THOC2: variants seen among roughly 807,000 people sequenced by gnomAD.
THOC2 encodes the protein THO complex 2.
In THOC2, 10 loss-of-function variants were observed where a neutral mutation model predicts 128.4. The observed-to-expected ratio is 0.08, with a 90% CI of 0.05 to 0.13. The LOEUF (loss-of-function observed/expected upper bound fraction) is 0.13. Ranked by LOEUF, THOC2 falls within the 10% of genes least tolerant of loss-of-function variation. The probability of loss-of-function intolerance (pLI) is 1.00; values close to 1 mark genes in which losing one functional copy is unlikely to be tolerated. For synonymous variants in THOC2, 393 were observed against 396.9 expected (o/e 0.99, Z 0.12); for missense variants, 535 against 1,155.7 (o/e 0.46, Z 7.79).
rs191723009 is a variant in THOC2 at position 123,665,576 on chromosome X, A to G, written c.1386+66T>C. 1,140 of 752,212 alleles carry G rather than the reference A, an allele frequency of 1.5e-3. 7 individuals carry two copies. Among genetic ancestry groups the G allele is most frequent in the Middle Eastern group, 0.013 (41 of 3,071 alleles). The allele number at this position is 752,212 out of a possible 1,213,427, so 62.0% of individuals were successfully genotyped here. A position where few individuals can be genotyped will look rare whatever the true frequency, so the allele number is the denominator to read the frequency against. ...CATATTTTTATTTCTAAAGATACTCATAACACAAGTATACTCAGAATATTT... is the reference window on the plus strand; with the variant it reads ...CATATTTTTATTTCTAAAGATACTCGTAACACAAGTATACTCAGAATATTT... On this transcript the variant is annotated intron_variant, in intron 12 of 38. Coordinates refer to ENST00000245838, the MANE Select transcript of THOC2 (RefSeq NM_001081550.2).
At chrX:123,653,696 A>C (rs1008596719) in intron 12 of THOC2, among the ~76,000 whole-genome samples, 4 of 112,321 alleles carry the variant, frequency 3.6e-5, no homozygotes, top group Non-Finnish European at 7.5e-5. Context: ...GAGAAATGCA[A>C]ATCAAAACCA....
At chrX:123,616,985 A>T (rs2046918862) in intron 33 of THOC2, among the ~76,000 whole-genome samples, 1 of 111,168 alleles carries the variant, frequency 9.0e-6, no homozygotes, top group Non-Finnish European at 1.9e-5. Flanking sequence ...GGTACAAGTG[A>T]CAAGATAATA....
At chrX:123,676,557 T>C (rs905798578) in intron 8 of THOC2, among the ~76,000 whole-genome samples, 3 of 112,386 alleles carry the variant, frequency 2.7e-5, no homozygotes, top group Non-Finnish European at 5.6e-5. Context: ...AGTTGACTGA[T>C]AGTTTTTTCC....
At position 123,721,898 on chromosome X, in the gene THOC2, A is replaced by G. The variant is rs2051717613; in HGVS notation, c.72-8990T>C. On this transcript the variant is annotated intron_variant, in intron 1 of 38. Transcript: ENST00000245838. ...CCACACACCCAAATACAACCACAGT[A>G]TTTGTCTACAGGTAAAGCACTTGTG... 2.7e-5 allele frequency among the ~76,000 whole-genome samples: 3 copies of G among 112,441 alleles called. No individual in the cohort carries two copies. In the Admixed American group the frequency reaches 2.8e-4, roughly 11 times the overall value.
chrX:123,651,658 C>T (rs2048360799), intron 12 of THOC2, among the ~76,000 whole-genome samples: 3 of 110,683 alleles, frequency 2.7e-5, no homozygotes, highest in Admixed American at 9.6e-5. Flanking sequence ...TCAGAGAATA[C>T]TATAAACACC....
rs1469832839 is a variant in THOC2 at position 123,636,173 on chromosome X, G to A, written c.1924C>T (p.Leu642=). The stretch of plus-strand genomic sequence containing the variant: ...AAAACTGCACCACAGAAACTAGCCA[G>A]ACCTATATAAAATAAAAAAAGAGTA... ...DTTISSWLQS[L]ASFCGAVFRK... is the part of the protein sequence containing the mutation. Residue 642 remains leucine, a splice_region_variant and synonymous_variant, in exon 19 of 39, where the codon CTG becomes TTG. Transcript: ENST00000245838. 8.4e-7 allele frequency: 1 copy of A among 1,187,898 alleles called. No individual in the cohort carries two copies. The highest frequency in any genetic ancestry group is 1.1e-6 in the Non-Finnish European group (1 of 880,684).
intron 8 of THOC2, among the ~76,000 whole-genome samples, chrX:123,674,905 G>A (rs1156575087): frequency 9.0e-6 from 1 of 111,145 alleles, no homozygotes; most frequent in Non-Finnish European, 1.9e-5. Context: ...TATAACCTGG[G>A]TGATGGGATG....
intron 12 of THOC2, among the ~76,000 whole-genome samples, chrX:123,653,199 T>C (rs1188435284): frequency 1.8e-5 from 2 of 111,727 alleles, no homozygotes; most frequent in Non-Finnish European, 3.8e-5. Flanking sequence ...ATAAATGGTG[T>C]TGGAAAACTG....
At chrX:123,620,365 G>A in intron 32 of THOC2, 1 of 113,840 alleles carries the variant, frequency 8.8e-6, no homozygotes, top group Non-Finnish European at 1.9e-5. Flanking sequence ...AACAGAAGCT[G>A]CATGCTCACT....
intron 8 of THOC2, among the ~76,000 whole-genome samples, chrX:123,685,969 G>T (rs781551842): frequency 9.0e-6 from 1 of 111,373 alleles, no homozygotes; most frequent in South Asian, 3.8e-4. Flanking sequence ...GAGGTGGGAG[G>T]TTCACTTCGG....
At chrX:123,724,992 C>T (rs1179693371) in intron 1 of THOC2, among the ~76,000 whole-genome samples, 1 of 111,266 alleles carries the variant, frequency 9.0e-6, no homozygotes, top group Non-Finnish European at 1.9e-5. Flanking sequence ...GTGGGAGGAT[C>T]GCCAGAGCCC....
chrX:123,609,366 A>C (rs1166452451), intron 38 of THOC2, among the ~76,000 whole-genome samples: 1 of 112,049 alleles, frequency 8.9e-6, no homozygotes, highest in African/African-American at 3.2e-5. Context: ...ACTTTACCCT[A>C]ATCTACTTAC....
intron 9 of THOC2, among the ~76,000 whole-genome samples, chrX:123,669,902 T>A (rs147219907): frequency 1.8e-5 from 2 of 111,909 alleles, no homozygotes; most frequent in East Asian, 5.6e-4. Context: ...TTTAAGCTGT[T>A]TCTCATATAA....
chrX:123,628,013 A>T, intron 22 of THOC2, 45 bp from the exon 23 acceptor site: 1 of 1,012,927 alleles, frequency 9.9e-7, no homozygotes, highest in Non-Finnish European at 1.4e-6. Flanking sequence ...CACACACAAC[A>T]TAATTTATAG....
At chrX:123,711,556 G>A (rs893192860) in intron 2 of THOC2, among the ~76,000 whole-genome samples, 12 of 110,630 alleles carry the variant, frequency 1.1e-4, no homozygotes, top group Non-Finnish European at 2.1e-4. Context: ...GGCCAAGGCA[G>A]GCAGATCACC....
chrX:123,677,867 G>A (rs1331948341), intron 8 of THOC2, among the ~76,000 whole-genome samples: 4 of 90,037 alleles, frequency 4.4e-5, no homozygotes, highest in African/African-American at 1.7e-4. Flanking sequence ...ACAAAACTCC[G>A]TCGCAAAAAA....
intron 12 of THOC2, among the ~76,000 whole-genome samples, chrX:123,663,355 G>C (rs2048916866): frequency 9.0e-6 from 1 of 111,524 alleles, no homozygotes. Context: ...TATTAAATAA[G>C]ATGTAGAAAA....
intron 12 of THOC2, among the ~76,000 whole-genome samples, chrX:123,650,250 C>A (rs963633479): frequency 9.0e-6 from 1 of 111,676 alleles, no homozygotes; most frequent in Non-Finnish European, 1.9e-5. Context: ...TACAGTCAAG[C>A]AAATGCTGAG....
At chrX:123,639,740 C>A (rs766109569) in intron 16 of THOC2, among the ~76,000 whole-genome samples, 22 of 111,293 alleles carry the variant, frequency 2.0e-4, no homozygotes, top group Non-Finnish European at 3.6e-4. Flanking sequence ...CAATAGAAAC[C>A]CAAACCTCAG....
Sources: gnomAD v4.1 joint callset for allele counts (sites outside exome capture counted in the v4.1 genomes callset) on GRCh38, gnomAD v4.1.1 for gene constraint, MANE v1.5 for transcripts, NCBI Gene and HGNC (gene_info 2026-07-23, HGNC 2026-07-21) for gene names.